The following PRKCA variants were observed in gnomAD, a reference collection of about 807,000 sequenced individuals.
The protein encoded by PRKCA is protein kinase C alpha.
In PRKCA, 27 loss-of-function variants were observed where a neutral mutation model predicts 87.0. That is an observed-to-expected ratio of 0.31 (90% CI 0.23 to 0.43). The LOEUF (loss-of-function observed/expected upper bound fraction) is 0.43, where lower values mean the gene tolerates loss of function less well. Among genes scored for constraint, PRKCA ranks in the 20% least tolerant of loss-of-function variants. PRKCA has a pLI of 1.00. For synonymous variants in PRKCA, 329 were observed against 311.1 expected (o/e 1.06, Z -0.61); for missense variants, 518 against 852.3 (o/e 0.61, Z 4.88).
At chr17:66,394,198 T>C (rs531563654) in intron 2 of PRKCA, among the ~76,000 whole-genome samples, 1 of 152,320 alleles carries the variant, frequency 6.6e-6, no homozygotes, top group South Asian at 2.1e-4. Context: ...AGAAATGTCT[T>C]TTTTTTGAAA....
intron 5 of PRKCA, among the ~76,000 whole-genome samples, chr17:66,648,535 A>T (rs1466451900): frequency 6.6e-6 from 1 of 152,214 alleles, no homozygotes; most frequent in Non-Finnish European, 1.5e-5. Context: ...GAGAGAAGAT[A>T]TTTTGATGAC....
At position 66,636,756 on chromosome 17, in the gene PRKCA, C is replaced by T. The variant is rs187248099; in HGVS notation, c.289-4599C>T. ...TGGGTGTCACCCCTTGCCCATGACA[C>T]GGGCAGATTGGTTTTATTTCTGCTT... On this transcript the variant is annotated intron_variant, in intron 3 of 16. Coordinates refer to ENST00000413366, the MANE Select transcript of PRKCA (RefSeq NM_002737.3). 2.8e-3 allele frequency among the ~76,000 whole-genome samples: 428 copies of T among 152,284 alleles called. 6 individuals carry two copies. Among genetic ancestry groups the T allele is most frequent in the African/African-American group, 1.0e-3 (42 of 41,562 alleles).
At chr17:66,772,498 T>TA (rs35329654) in intron 13 of PRKCA, among the ~76,000 whole-genome samples, 2,948 of 147,700 alleles carry the variant, frequency 0.02, 94 homozygotes, top group African/African-American at 0.067. Flanking sequence ...TCTGGGCCAT[T>TA]AAAAAAAAAA....
chr17:66,443,152 G>A (rs961952765), intron 2 of PRKCA, among the ~76,000 whole-genome samples: 1 of 152,240 alleles, frequency 6.6e-6, no homozygotes, highest in Non-Finnish European at 1.5e-5. Flanking sequence ...TTTGCTGCAA[G>A]TGGTCCATGA....
intron 3 of PRKCA, among the ~76,000 whole-genome samples, chr17:66,554,151 C>T (rs61762385): frequency 0.017 from 2,639 of 151,860 alleles, 88 homozygotes; most frequent in African/African-American, 0.06. Flanking sequence ...TATGGTGGCT[C>T]ACGCCTGTCA....
intron 2 of PRKCA, among the ~76,000 whole-genome samples, chr17:66,310,341 A>T (rs1470096879): frequency 6.6e-6 from 1 of 152,114 alleles, no homozygotes; most frequent in African/African-American, 2.4e-5. Context: ...ACCATGACCA[A>T]CAGGAGCCTG....
chr17:66,589,177 G>A (rs1969716879), intron 3 of PRKCA, among the ~76,000 whole-genome samples: 1 of 152,054 alleles, frequency 6.6e-6, no homozygotes, highest in Non-Finnish European at 1.5e-5. Context: ...GCTCATGGGT[G>A]AGTAGCTCCC....
At chr17:66,486,965 A>G (rs1295079225) in intron 2 of PRKCA, among the ~76,000 whole-genome samples, 5 of 152,230 alleles carry the variant, frequency 3.3e-5, no homozygotes, top group African/African-American at 1.2e-4. Flanking sequence ...TTATGTATCT[A>G]CATACAATGT....
At chr17:66,499,430 A>G (rs544736413) in intron 3 of PRKCA, among the ~76,000 whole-genome samples, 2 of 152,344 alleles carry the variant, frequency 1.3e-5, no homozygotes, top group East Asian at 3.9e-4. Flanking sequence ...GAAACTGCGT[A>G]TAAGTAGGTA....
At chr17:66,619,429 A>G (rs981963042) in intron 3 of PRKCA, among the ~76,000 whole-genome samples, 1 of 152,228 alleles carries the variant, frequency 6.6e-6, no homozygotes, top group African/African-American at 2.4e-5. Context: ...AGCTGACGCC[A>G]TCTACACGGG....
chr17:66,526,340 C>A (rs1967346651), intron 3 of PRKCA, among the ~76,000 whole-genome samples: 1 of 152,156 alleles, frequency 6.6e-6, no homozygotes, highest in Admixed American at 6.5e-5. Context: ...AAGTTGGTGG[C>A]TTTACAACAA....
intron 5 of PRKCA, among the ~76,000 whole-genome samples, chr17:66,679,576 C>T (rs571064585): frequency 8.5e-5 from 13 of 152,366 alleles, no homozygotes; most frequent in Admixed American, 8.5e-4. Context: ...CTTTGCCTGC[C>T]TTCCCACCAC....
chr17:66,314,046 C>G (rs1250379236), intron 2 of PRKCA, among the ~76,000 whole-genome samples: 1 of 152,138 alleles, frequency 6.6e-6, no homozygotes, highest in Non-Finnish European at 1.5e-5. Flanking sequence ...GATGTTATCC[C>G]CATCTTAGAA....
chr17:66,742,542 T>C (rs1445006720), intron 12 of PRKCA, 80 bp from the exon 13 acceptor site: 27 of 1,449,490 alleles, frequency 1.9e-5, no homozygotes, highest in Non-Finnish European at 2.3e-5. Context: ...GGTATTCAGA[T>C]ATCCTTCTAT....
chr17:66,413,165 T>C (rs1911918017), intron 2 of PRKCA, among the ~76,000 whole-genome samples: 1 of 152,218 alleles, frequency 6.6e-6, no homozygotes, highest in Non-Finnish European at 1.5e-5. Flanking sequence ...TGCTCCTGAC[T>C]GACTGTCTCT....
intron 13 of PRKCA, among the ~76,000 whole-genome samples, chr17:66,755,105 A>G (rs1974518650): frequency 1.3e-5 from 2 of 152,088 alleles, no homozygotes; most frequent in Non-Finnish European, 1.5e-5. Context: ...CTTACCGAAG[A>G]GCTAAAAAGA....
chr17:66,632,217 T>A (rs916952124), intron 3 of PRKCA, among the ~76,000 whole-genome samples: 1 of 152,238 alleles, frequency 6.6e-6, no homozygotes, highest in Non-Finnish European at 1.5e-5. Context: ...TGTATGGATT[T>A]ATTTTTTAAC....
chr17:66,393,541 C>T (rs1285889243), intron 2 of PRKCA, among the ~76,000 whole-genome samples: 6 of 152,188 alleles, frequency 3.9e-5, no homozygotes, highest in Non-Finnish European at 8.8e-5. Context: ...CTGACGTTGA[C>T]TGACTTGAGT....
chr17:66,550,362 G>T (rs1968287868), intron 3 of PRKCA, among the ~76,000 whole-genome samples: 1 of 152,066 alleles, frequency 6.6e-6, no homozygotes, highest in African/African-American at 2.4e-5. Flanking sequence ...GTTAAAGAAG[G>T]CTCTGGGTCC....
Sources: allele counts gnomAD v4.1 joint callset (sites outside exome capture counted in the v4.1 genomes callset), GRCh38; gene constraint gnomAD v4.1.1; transcripts MANE v1.5; gene names NCBI Gene and HGNC (gene_info 2026-07-23, HGNC 2026-07-21).